Variants in WDPCP observed in about 807,000 individuals in gnomAD.
The protein encoded by WDPCP is WD repeat-containing and planar cell polarity effector protein fritz homolog.
WDPCP carries 71 observed loss-of-function variants against 93.1 expected under a neutral mutation model. That is an observed-to-expected ratio of 0.76 (90% CI 0.63 to 0.93). The LOEUF is 0.93. WDPCP is among the 40% of genes least tolerant of loss of function. The pLI, the probability that WDPCP is intolerant of heterozygous loss-of-function variation, is 0.00. For synonymous variants in WDPCP, 315 were observed against 315.0 expected (o/e 1.00, Z 0.00); for missense variants, 844 against 887.4 (o/e 0.95, Z 0.62).
chr2:63,312,193 A>T lies in WDPCP; in HGVS notation c.1812+1055T>A, dbSNP rs182265448. On this transcript the variant is annotated intron_variant, in intron 13 of 17. Transcript: ENST00000272321. ...AATTAGATTTTTTATGATCAATAAT[A>T]GTATAATTAATTGAATGACATACAT... is the stretch of plus-strand genomic sequence containing the variant. Among the ~76,000 whole-genome samples the T allele has an allele frequency of 3.9e-5, 6 of 152,312 alleles. No homozygotes were observed. The East Asian group carries it at 1.2e-3, about 29-fold the overall frequency.
In WDPCP at chr2:63,484,927, T is replaced by C. The variant is rs1335849245; in HGVS notation, c.314A>G (p.Lys105Arg). 18 of 1,612,442 alleles carry C rather than the reference T, an allele frequency of 1.1e-5. No homozygotes were observed. The highest frequency in any genetic ancestry group is 1.4e-5 in the Non-Finnish European group (16 of 1,179,048). Residue 105 changes from lysine to arginine, a missense_variant, in exon 5 of 18, where the codon AAA becomes AGA. Coordinates refer to ENST00000272321, the MANE Select transcript of WDPCP (RefSeq NM_015910.7). ...CTTTTTGAAAGATACCTCCAACTCT[T>C]TGAGCGAGTCTCGGAGTTTTTCTGG... is the stretch of plus-strand genomic sequence containing the variant. ...RRPEKLRDSLKELEELMQNSR... is the reference protein window; with the variant it reads ...RRPEKLRDSLRELEELMQNSR...
chr2:63,283,261 T>A (rs1294702814), intron 13 of WDPCP, among the ~76,000 whole-genome samples: 3 of 152,194 alleles, frequency 2.0e-5, no homozygotes, highest in East Asian at 1.9e-4. Flanking sequence ...CAGGCTGGCC[T>A]CAAAGGCCTG....
chr2:63,832,363 T>C, upstream of WDPCP, among the ~76,000 whole-genome samples: 1 of 152,162 alleles, frequency 6.6e-6, no homozygotes, highest in Non-Finnish European at 1.5e-5. Context: ...TCACATAACA[T>C]TACTTCTGCT....
chr2:63,478,884 C>T (rs375975351), intron 6 of WDPCP, among the ~76,000 whole-genome samples: 5 of 151,574 alleles, frequency 3.3e-5, no homozygotes, highest in East Asian at 1.9e-4. Flanking sequence ...AAAACACACA[C>T]GATAAATGCA....
At chr2:63,399,515 A>G (rs1693984679) in intron 10 of WDPCP, among the ~76,000 whole-genome samples, 1 of 150,766 alleles carries the variant, frequency 6.6e-6, no homozygotes, top group South Asian at 2.1e-4. Flanking sequence ...AGCTAGGTGT[A>G]CATGGGCAGA....
At chr2:63,551,617 G>A (rs944674229) in intron 1 of WDPCP, among the ~76,000 whole-genome samples, 3 of 152,056 alleles carry the variant, frequency 2.0e-5, no homozygotes, top group Admixed American at 6.5e-5. Context: ...TAAATTACCA[G>A]CCTCAGATAT....
chr2:63,344,593 CT>C lies in WDPCP; in HGVS notation c.1749-31283del, dbSNP rs1260125983. On this transcript the variant is annotated intron_variant, in intron 12 of 17. Coordinates refer to ENST00000272321, the MANE Select transcript of WDPCP (RefSeq NM_015910.7). ...CAAATATCTTTCTCCTCATCCTTTT[CT>C]TTCCCAGGTTTCTTTGGTCTGTCTG... Among the ~76,000 whole-genome samples the C allele has an allele frequency of 3.3e-5, 5 of 152,306 alleles. No homozygotes were observed. The East Asian group carries it at 9.6e-4, about 29-fold the overall frequency.
intron 6 of WDPCP, among the ~76,000 whole-genome samples, chr2:63,452,422 A>G (rs1368574468): frequency 1.3e-5 from 2 of 152,194 alleles, no homozygotes; most frequent in Admixed American, 1.3e-4. Flanking sequence ...ACTACAAACC[A>G]CTACTCAACG....
At chr2:63,221,371 G>C (rs1677817258) in intron 14 of WDPCP, among the ~76,000 whole-genome samples, 1 of 152,170 alleles carries the variant, frequency 6.6e-6, no homozygotes, top group Admixed American at 6.5e-5. Flanking sequence ...AGGCTGTGGG[G>C]AAGTTAATAG....
intron 2 of WDPCP, among the ~76,000 whole-genome samples, chr2:63,720,851 T>C (rs190065477): frequency 3.3e-5 from 5 of 152,298 alleles, no homozygotes; most frequent in East Asian, 3.9e-4. Context: ...CCCACTGAAA[T>C]GAATGTCAAG....
At chr2:63,726,741 T>C (rs934210302) in intron 2 of WDPCP, among the ~76,000 whole-genome samples, 1 of 152,184 alleles carries the variant, frequency 6.6e-6, no homozygotes, top group Non-Finnish European at 1.5e-5. Context: ...TAATTCTCAT[T>C]GTAGAGATCT....
intron 1 of WDPCP, among the ~76,000 whole-genome samples, chr2:63,531,006 A>G (rs893552682): frequency 3.9e-5 from 6 of 152,226 alleles, no homozygotes; most frequent in Non-Finnish European, 8.8e-5. Flanking sequence ...GTGCTTTTCC[A>G]ATGGTCTTGG....
intron 1 of WDPCP, among the ~76,000 whole-genome samples, chr2:63,567,787 T>G (rs949469210): frequency 4.1e-4 from 63 of 152,228 alleles, no homozygotes; most frequent in Non-Finnish European, 1.9e-4. Flanking sequence ...TGATGTTTCT[T>G]AAGGGCAGAA....
At chr2:63,735,777 CTTG>C (rs1669630340) in intron 2 of WDPCP, among the ~76,000 whole-genome samples, 1 of 152,088 alleles carries the variant, frequency 6.6e-6, no homozygotes, top group Non-Finnish European at 1.5e-5. Flanking sequence ...GTTTCATATT[CTTG>C]TTGTTAATTG....
At chr2:63,524,405 A>C (rs1317791924) in intron 1 of WDPCP, among the ~76,000 whole-genome samples, 2 of 152,224 alleles carry the variant, frequency 1.3e-5, no homozygotes, top group Non-Finnish European at 2.9e-5. Flanking sequence ...AAAAACAGAC[A>C]GAGAGACCAA....
At position 63,121,380 on chromosome 2, in the gene WDPCP, C is replaced by CTTTTTTTTTTTTTTTTT. The variant is rs139878372; in HGVS notation, c.*609_*625dup. The CTTTTTTTTTTTTTTTTT allele has an allele frequency of 1.1e-5, 1 of 87,330 alleles. No homozygotes were observed. Among genetic ancestry groups the CTTTTTTTTTTTTTTTTT allele is most frequent in the Non-Finnish European group, 2.3e-5 (1 of 44,334 alleles). The allele number at this position is 87,330 out of a possible 1,614,324, so 5.4% of individuals were successfully genotyped here. A position where few individuals can be genotyped will look rare whatever the true frequency, so the allele number is the denominator to read the frequency against. Reference sequence around the variant, plus strand: ...AGGACTTTCTTTCTTTCTTTTCTTTCTTTTTTTTTTTTTTTTTTTTTGGAG... The same window carrying CTTTTTTTTTTTTTTTTT: ...AGGACTTTCTTTCTTTCTTTTCTTTCTTTTTTTTTTTTTTTTTTTTTTTTTTTTTTTTTTTTTTGGAG... On this transcript the variant is annotated 3_prime_UTR_variant, in exon 18 of 18. Transcript: ENST00000272321.
intron 1 of WDPCP, among the ~76,000 whole-genome samples, chr2:63,544,048 T>TAA (rs1314875414): frequency 2.6e-5 from 4 of 152,144 alleles, no homozygotes; most frequent in African/African-American, 9.6e-5. Flanking sequence ...AGGTCCCCAT[T>TAA]TAAATCCCAG....
At chr2:63,346,472 C>G (rs1337251443) in intron 12 of WDPCP, among the ~76,000 whole-genome samples, 2 of 152,198 alleles carry the variant, frequency 1.3e-5, no homozygotes, top group African/African-American at 4.8e-5. Context: ...GACCAGCAGC[C>G]CTGGCTGCTA....
chr2:63,530,887 G>GA (rs1703782093), intron 1 of WDPCP, among the ~76,000 whole-genome samples: 1 of 151,936 alleles, frequency 6.6e-6, no homozygotes, highest in East Asian at 1.9e-4. Context: ...AAGCAAGGCG[G>GA]GCATTGCCTC....
Sources: gnomAD v4.1 joint callset for allele counts (sites outside exome capture counted in the v4.1 genomes callset) on GRCh38, gnomAD v4.1.1 for gene constraint, MANE v1.5 for transcripts, NCBI Gene and HGNC (gene_info 2026-07-23, HGNC 2026-07-21) for gene names.